Variants in TBC1D19 observed in about 807,000 individuals in gnomAD.
TBC1D19 encodes the protein TBC1 domain family member 19.
A neutral mutation model predicts 89.0 loss-of-function variants in TBC1D19; 60 were observed. The ratio of observed to expected loss-of-function variants is 0.67; its 90% confidence interval spans 0.55 to 0.84. The LOEUF (loss-of-function observed/expected upper bound fraction) is 0.84, where lower values mean the gene tolerates loss of function less well. TBC1D19 is among the 40% of genes least tolerant of loss of function. The pLI, the probability that TBC1D19 is intolerant of heterozygous loss-of-function variation, is 0.00. For missense variants in TBC1D19, 500 were observed against 610.8 expected (o/e 0.82, Z 1.91); for synonymous variants, 189 against 199.7 (o/e 0.95, Z 0.45).
At chr4:26,781,367 T>C in the TBC1D19 span, among the ~76,000 whole-genome samples, 1 of 152,210 alleles carries the variant, frequency 6.6e-6, no homozygotes, top group Admixed American at 6.5e-5. Flanking sequence ...TTCCTAGTGA[T>C]GTGACCTTGG....
chr4:26,787,971 G>A, the TBC1D19 span, among the ~76,000 whole-genome samples: 1 of 152,224 alleles, frequency 6.6e-6, no homozygotes, highest in East Asian at 1.9e-4. Context: ...TCGGCTGACA[G>A]TTAAGAAGCA....
chr4:26,742,364 T>C (rs1406871992), intron 17 of TBC1D19, 144 bp from the exon 18 acceptor site: 5 of 597,854 alleles, frequency 8.4e-6, no homozygotes, highest in Non-Finnish European at 1.4e-5. Flanking sequence ...GATTCTTTAA[T>C]ACATTTCATG....
chr4:26,824,683 C>CT, the TBC1D19 span, among the ~76,000 whole-genome samples: 1,981 of 148,428 alleles, frequency 0.013, 18 homozygotes, highest in Non-Finnish European at 0.02. Context: ...TTCTTTCTTT[C>CT]TTTTTTTTTT....
chr4:26,745,701 G>A (rs1018589118), intron 18 of TBC1D19, among the ~76,000 whole-genome samples: 9 of 151,168 alleles, frequency 6.0e-5, no homozygotes, highest in East Asian at 2.0e-4. Flanking sequence ...TAGTAGAGAC[G>A]GGGTTTCACC....
At position 26,683,981 on chromosome 4, in the gene TBC1D19, A is replaced by G. The variant is rs563105805; in HGVS notation, c.891+232A>G. 3.9e-5 allele frequency among the ~76,000 whole-genome samples: 6 copies of G among 152,176 alleles called. No individual in the cohort carries two copies. The South Asian group carries it at 1.0e-3, about 26-fold the overall frequency. On this transcript the variant is annotated intron_variant, in intron 12 of 20. Coordinates refer to ENST00000264866, the MANE Select transcript of TBC1D19 (RefSeq NM_018317.4). ...TTCATGATTCTTTCCTAGTCCTCCT[A>G]TTTTTTGATTAAGATAAGCATTTCT... is the stretch of plus-strand genomic sequence containing the variant.
At chr4:26,735,084 A>G (rs984829140) in intron 15 of TBC1D19, among the ~76,000 whole-genome samples, 5 of 151,192 alleles carry the variant, frequency 3.3e-5, no homozygotes, top group South Asian at 4.1e-4. Flanking sequence ...ACATGTATAT[A>G]TGTATACACA....
At chr4:26,857,377 C>T in the TBC1D19 span, among the ~76,000 whole-genome samples, 1 of 152,252 alleles carries the variant, frequency 6.6e-6, no homozygotes, top group Non-Finnish European at 1.5e-5. Flanking sequence ...GACCACCCTG[C>T]TGGGTCTGTC....
the TBC1D19 span, among the ~76,000 whole-genome samples, chr4:26,847,253 T>C: frequency 1.3e-5 from 2 of 152,186 alleles, no homozygotes; most frequent in African/African-American, 4.8e-5. Context: ...TCAAGCAATC[T>C]ATACTATTTT....
intron 1 of TBC1D19, among the ~76,000 whole-genome samples, chr4:26,605,356 ATCCATG>A (rs1486480121): frequency 6.6e-6 from 1 of 150,520 alleles, no homozygotes; most frequent in Non-Finnish European, 1.5e-5. Context: ...TTCCAATTTC[ATCCATG>A]TCCCTACAAA....
At chr4:26,654,513 G>A (rs1744650253) in intron 7 of TBC1D19, among the ~76,000 whole-genome samples, 1 of 152,126 alleles carries the variant, frequency 6.6e-6, no homozygotes, top group African/African-American at 2.4e-5. Context: ...AGGTACACCA[G>A]TCAGACACAG....
At chr4:26,643,505 C>A (rs1743695934) in intron 7 of TBC1D19, among the ~76,000 whole-genome samples, 1 of 152,030 alleles carries the variant, frequency 6.6e-6, no homozygotes, top group Admixed American at 6.6e-5. Context: ...CCTAACATCA[C>A]AATTAAAAGA....
At chr4:26,752,952 C>A (rs1719052478) in intron 19 of TBC1D19, among the ~76,000 whole-genome samples, 1 of 152,150 alleles carries the variant, frequency 6.6e-6, no homozygotes, top group South Asian at 2.1e-4. Context: ...CACCACCATG[C>A]TTGGCCTCCA....
the TBC1D19 span, among the ~76,000 whole-genome samples, chr4:26,764,797 C>T: frequency 1.3e-5 from 2 of 151,936 alleles, no homozygotes; most frequent in Non-Finnish European, 2.9e-5. Flanking sequence ...AAGGTTACAA[C>T]AAAAAAGTAA....
downstream of TBC1D19, among the ~76,000 whole-genome samples, chr4:26,757,737 C>T (rs1238317336): frequency 6.6e-6 from 1 of 152,200 alleles, no homozygotes; most frequent in Non-Finnish European, 1.5e-5. Flanking sequence ...CCTTCTACTT[C>T]AGAATTTAGC....
At chr4:26,624,692 T>A (rs1166212253) in intron 4 of TBC1D19, among the ~76,000 whole-genome samples, 1 of 152,154 alleles carries the variant, frequency 6.6e-6, no homozygotes, top group Non-Finnish European at 1.5e-5. Context: ...TTCCCAATTA[T>A]TACACTATTT....
At position 26,740,016 on chromosome 4, in the gene TBC1D19, A is replaced by C. The variant is rs774755703; in HGVS notation, c.1227+43A>C. The C allele has an allele frequency of 4.6e-6, 6 of 1,295,906 alleles. No individual in the cohort carries two copies. In the South Asian group the frequency reaches 8.8e-5, roughly 19 times the overall value. The allele number at this position is 1,295,906 out of a possible 1,614,324, so 80.3% of individuals were successfully genotyped here. A position where few individuals can be genotyped will look rare whatever the true frequency, so the allele number is the denominator to read the frequency against. ...ACTTGATCAAATTAGGTTGGATTGT[A>C]ATCTATTCTTTCTTTCTGTTAAGAA... is the stretch of plus-strand genomic sequence containing the variant. On this transcript the variant is annotated intron_variant, in intron 17 of 20. Coordinates refer to ENST00000264866, the MANE Select transcript of TBC1D19 (RefSeq NM_018317.4).
intron 8 of TBC1D19, among the ~76,000 whole-genome samples, chr4:26,660,939 A>G (rs779703021): frequency 1.3e-5 from 2 of 152,160 alleles, no homozygotes; most frequent in Admixed American, 6.5e-5. Flanking sequence ...GGTATGACCT[A>G]TTTCCTGACT....
chr4:26,708,705 A>G (rs1020196194), intron 13 of TBC1D19, among the ~76,000 whole-genome samples: 5 of 151,626 alleles, frequency 3.3e-5, no homozygotes, highest in Non-Finnish European at 7.4e-5. Context: ...CCATTTCCCT[A>G]TCTTCAAGTT....
At chr4:26,586,313 A>T (rs1739416012) in intron 1 of TBC1D19, among the ~76,000 whole-genome samples, 1 of 151,048 alleles carries the variant, frequency 6.6e-6, no homozygotes, top group African/African-American at 2.4e-5. Context: ...CTGGCTCTCT[A>T]TTTTGTTCCA....
Sources: gnomAD v4.1 joint callset for allele counts (sites outside exome capture counted in the v4.1 genomes callset) on GRCh38, gnomAD v4.1.1 for gene constraint, MANE v1.5 for transcripts, NCBI Gene and HGNC (gene_info 2026-07-23, HGNC 2026-07-21) for gene names.